Variants in KRT82 observed in about 807,000 individuals in gnomAD.
KRT82 encodes the protein keratin, type II cuticular Hb2.
In KRT82, 44 loss-of-function variants were observed where a neutral mutation model predicts 48.0. That is an observed-to-expected ratio of 0.92 (90% CI 0.72 to 1.18). The LOEUF (loss-of-function observed/expected upper bound fraction) is 1.18. KRT82 is among the 50% of genes most tolerant of loss of function. KRT82 has a pLI of 0.00. For missense variants in KRT82, 701 were observed against 671.4 expected (o/e 1.04, Z -0.49); for synonymous variants, 297 against 278.3 (o/e 1.07, Z -0.67).
chr12:52,396,767 A>G (rs1939721111), intron 6 of KRT82, 116 bp downstream of exon 6: 3 of 1,200,156 alleles, frequency 2.5e-6, no homozygotes, highest in Non-Finnish European at 3.5e-6. Flanking sequence ...AGGCAGCACA[A>G]GTTTATTCCC....
Position 52,403,881 on chromosome 12 carries a change from A to C in KRT82, c.440T>G (p.Leu147Arg). The change falls in exon 2 of 9, where the codon CTG (leucine) becomes CGG (arginine). Residue 147 changes from leucine to arginine, a missense_variant. By Grantham distance (102) the Leu-to-Arg change is moderately radical (BLOSUM62 -2). Transcript: ENST00000257974. The stretch of plus-strand genomic sequence containing the variant: ...CATGAAGTTCCACTTGGTCTCCAGC[A>C]GCTTGTTCTTCTGCTCCAGGAAACG... ...KVRFLEQKNK[L>R]LETKWNFMQQ... 6.2e-7 allele frequency: 1 copy of C among 1,613,984 alleles called. No homozygotes were observed. The highest frequency in any genetic ancestry group is 2.2e-5 in the East Asian group (1 of 44,872).
chr12:52,396,427 A>G (rs1939716405), intron 6 of KRT82, among the ~76,000 whole-genome samples, 195 bp from the exon 7 acceptor site: 2 of 152,086 alleles, frequency 1.3e-5, no homozygotes, highest in Middle Eastern at 3.4e-3. Flanking sequence ...GAGAGCGGGG[A>G]TTTTCCTCTT....
At chr12:52,404,018 T>C in intron 1 of KRT82, 109 bp from the exon 2 acceptor site, 1 of 1,102,728 alleles carries the variant, frequency 9.1e-7, no homozygotes, top group Non-Finnish European at 1.3e-6. Flanking sequence ...TGGCTACCAG[T>C]GCACTAGAAT....
rs532972519 is a variant in KRT82 at position 52,404,043 on chromosome 12, G to T, written c.412-134C>A. On this transcript the variant is annotated intron_variant, in intron 1 of 8. Coordinates refer to ENST00000257974, the MANE Select transcript of KRT82 (RefSeq NM_033033.4). ...TGCACTAGAATTTGCAAAAATCAGG[G>T]TCTCTGCATAGACTGGCATCTGAGG... 8.9e-4 allele frequency: 665 copies of T among 747,080 alleles called. 5 individuals are homozygous for T. Among genetic ancestry groups the T allele is most frequent in the South Asian group, 2.5e-3 (138 of 55,458 alleles). 46.3% of individuals were successfully genotyped at this position (747,080 alleles called of 1,614,324 possible).
chr12:52,399,891 C>T, intron 5 of KRT82, 94 bp downstream of exon 5: 2 of 1,323,718 alleles, frequency 1.5e-6, no homozygotes, highest in Non-Finnish European at 2.1e-6. Context: ...TCATTAGCTC[C>T]TCACCCACTT....
intron 6 of KRT82, among the ~76,000 whole-genome samples, 173 bp from the exon 7 acceptor site, chr12:52,396,405 A>C (rs1782557087): frequency 6.6e-6 from 1 of 152,196 alleles, no homozygotes; most frequent in South Asian, 2.1e-4. Flanking sequence ...TTTCTGTCTA[A>C]AATACCTCCA....
intron 5 of KRT82, among the ~76,000 whole-genome samples, chr12:52,398,445 A>G (rs1939742252): frequency 6.6e-6 from 1 of 151,960 alleles, no homozygotes; most frequent in Non-Finnish European, 1.5e-5. Flanking sequence ...TTTGTACTTC[A>G]AGCTACTTTA....
At chr12:52,404,261 T>C (rs1333208116) in intron 1 of KRT82, among the ~76,000 whole-genome samples, 1 of 152,192 alleles carries the variant, frequency 6.6e-6, no homozygotes, top group Non-Finnish European at 1.5e-5. Context: ...CTCACTTTGC[T>C]TCCCAAAGCT....
chr12:52,404,506 C>T (rs1038267996), intron 1 of KRT82, among the ~76,000 whole-genome samples: 1 of 152,166 alleles, frequency 6.6e-6, no homozygotes, highest in Non-Finnish European at 1.5e-5. Flanking sequence ...CCTCCCTTTT[C>T]GTAAAGTGGA....
At position 52,406,024 on chromosome 12, in the gene KRT82, G is replaced by A. The variant is rs1019565221; in HGVS notation, c.254C>T (p.Thr85Ile). 7 of 1,614,066 alleles carry A rather than the reference G, an allele frequency of 4.3e-6. No individual in the cohort carries two copies. In the African/African-American group the frequency reaches 9.3e-5, roughly 22 times the overall value. ...LPGFGYRLGATCGPSACITPV... is the reference protein window; with the variant it reads ...LPGFGYRLGAICGPSACITPV... ...GGTGATGCAGGCAGAAGGCCCACAGGTGGCTCCCAGTCGGTACCCGAAGCC... is the reference window on the plus strand; with the variant it reads ...GGTGATGCAGGCAGAAGGCCCACAGATGGCTCCCAGTCGGTACCCGAAGCC... The change falls in exon 1 of 9, where the codon ACC becomes ATC. Residue 85 changes from threonine to isoleucine, a missense_variant. Thr to Ile is a moderately conservative substitution (Grantham distance 89). Coordinates refer to ENST00000257974, the MANE Select transcript of KRT82 (RefSeq NM_033033.4).
Position 52,396,968 on chromosome 12 carries a change from T to C in KRT82, c.983A>G (p.Asn328Ser). 6.2e-7 allele frequency: 1 copy of C among 1,613,984 alleles called. No individual in the cohort carries two copies. The highest frequency in any genetic ancestry group is 1.3e-5 in the African/African-American group (1 of 74,978). The change falls in exon 6 of 9, where the codon AAC becomes AGC. Residue 328 changes from asparagine (N) to serine (S), a missense_variant. Transcript: ENST00000257974. ...LRVTAGNHCD[N>S]LRNRKNEILE... ...GATCTCGTTCTTACGGTTGCGGAGGTTGTCACAGTGGTTCCCAGCTGTGAC... is the reference window on the plus strand; with the variant it reads ...GATCTCGTTCTTACGGTTGCGGAGGCTGTCACAGTGGTTCCCAGCTGTGAC...
At chr12:52,400,391 G>T (rs553215989) in intron 4 of KRT82, 136 bp downstream of exon 4, 2 of 730,916 alleles carry the variant, frequency 2.7e-6, no homozygotes, top group Non-Finnish European at 4.6e-6. Flanking sequence ...GAGTCTCACC[G>T]CCTGAGAACG....
intron 7 of KRT82, 74 bp from the exon 8 acceptor site, chr12:52,395,864 C>T: frequency 6.8e-7 from 1 of 1,468,082 alleles, no homozygotes. Context: ...CTCCCCGCTC[C>T]CGCCCTCATT....
At chr12:52,403,192 T>TG (rs1939811169) in intron 2 of KRT82, among the ~76,000 whole-genome samples, 1 of 152,034 alleles carries the variant, frequency 6.6e-6, no homozygotes, top group African/African-American at 2.4e-5. Flanking sequence ...GAGCCTGATA[T>TG]GCAGGGAAAG....
intron 5 of KRT82, among the ~76,000 whole-genome samples, chr12:52,397,908 A>G (rs533003059): frequency 2.0e-5 from 3 of 152,262 alleles, no homozygotes; most frequent in African/African-American, 4.8e-5. Context: ...TTAGCTGAGT[A>G]TGGTGGTGCA....
rs746461040 is a variant in KRT82 at position 52,396,014 on chromosome 12, G to A, written c.1287C>T (p.His429=). 3.7e-6 allele frequency: 6 copies of A among 1,613,976 alleles called. No homozygotes were observed. The South Asian group carries it at 6.6e-5, about 18-fold the overall frequency. Residue 429 remains histidine (H), a splice_region_variant and synonymous_variant, in exon 7 of 9, where the codon CAC becomes CAT. Coordinates refer to ENST00000257974, the MANE Select transcript of KRT82 (RefSeq NM_033033.4). ...TYRRLLEGEE[H]RLCEGIGPVN... is the part of the protein sequence containing the mutation. ...GACCCCCTCCTGGAGGAGCTCACCT[G>A]TGCTCTTCACCCTCCAGCAGGCGCC... is the stretch of plus-strand genomic sequence containing the variant.
At chr12:52,405,673 A>T (rs1341631757) in intron 1 of KRT82, among the ~76,000 whole-genome samples, 194 bp downstream of exon 1, 4 of 152,236 alleles carry the variant, frequency 2.6e-5, no homozygotes, top group Non-Finnish European at 4.4e-5. Context: ...AAAGACAAGG[A>T]AGCAGAAATG....
chr12:52,399,996 A>T lies in KRT82; in HGVS notation c.931T>A (p.Tyr311Asn), dbSNP rs7315516. The change falls in exon 5 of 9, where the codon TAC becomes AAC. Residue 311 changes from tyrosine to asparagine, a missense_variant. Transcript: ENST00000257974. ...SRSKAEAEAW[Y>N]QCRYEELRVT... Reference sequence around the variant, plus strand: ...CCACAGGGCCTCACCCGGCACTGGTACCAGGCCTCTGCTTCGGCTTTGCTG... The same window carrying T: ...CCACAGGGCCTCACCCGGCACTGGTTCCAGGCCTCTGCTTCGGCTTTGCTG... 8 of 1,614,000 alleles carry T rather than the reference A, an allele frequency of 5.0e-6. No individual in the cohort carries two copies. The highest frequency in any genetic ancestry group is 5.9e-6 in the Non-Finnish European group (7 of 1,179,902).
At chr12:52,404,012 T>A in intron 1 of KRT82, 103 bp from the exon 2 acceptor site, 1 of 1,133,166 alleles carries the variant, frequency 8.8e-7, no homozygotes, top group East Asian at 2.6e-5. Context: ...AACACATGGC[T>A]ACCAGTGCAC....
Sources: gnomAD v4.1 joint callset for allele counts (sites outside exome capture counted in the v4.1 genomes callset) on GRCh38, gnomAD v4.1.1 for gene constraint, MANE v1.5 for transcripts, NCBI Gene and HGNC (gene_info 2026-07-23, HGNC 2026-07-21) for gene names.